KLHL29: variants seen among roughly 807,000 people sequenced by gnomAD.
The protein encoded by KLHL29 is kelch-like protein 29.
Under a neutral mutation model 80.4 loss-of-function variants are expected in KLHL29, and 21 were observed. That is an observed-to-expected ratio of 0.26 (90% CI 0.19 to 0.38). The LOEUF (loss-of-function observed/expected upper bound fraction) is 0.38, where lower values mean the gene tolerates loss of function less well. Among genes scored for constraint, KLHL29 ranks in the 10% least tolerant of loss-of-function variants. The pLI is 1.00. For synonymous variants in KLHL29, 511 were observed against 526.8 expected (o/e 0.97, Z 0.41); for missense variants, 867 against 1,223.9 (o/e 0.71, Z 4.35).
intron 1 of KLHL29, among the ~76,000 whole-genome samples, chr2:23,436,792 C>T (rs1262567957): frequency 6.6e-6 from 1 of 152,202 alleles, no homozygotes; most frequent in African/African-American, 2.4e-5. Context: ...CTTGCTAGGT[C>T]AACGTTTTCA....
At chr2:23,511,594 G>A (rs1383097293) in intron 2 of KLHL29, among the ~76,000 whole-genome samples, 1 of 152,190 alleles carries the variant, frequency 6.6e-6, no homozygotes, top group Non-Finnish European at 1.5e-5. Context: ...ATGAGGATCT[G>A]GATAAAAACT....
intron 1 of KLHL29, among the ~76,000 whole-genome samples, chr2:23,406,103 C>A (rs1361398752): frequency 6.6e-6 from 1 of 152,040 alleles, no homozygotes; most frequent in African/African-American, 2.4e-5. Flanking sequence ...CCAAGGCAGG[C>A]GGATCATTTG....
At chr2:23,594,861 G>A (rs1179718388) in intron 3 of KLHL29, among the ~76,000 whole-genome samples, 1 of 152,092 alleles carries the variant, frequency 6.6e-6, no homozygotes, top group Non-Finnish European at 1.5e-5. Context: ...TTTGCTTAAG[G>A]TCAGGACATT....
At chr2:23,436,870 C>G (rs1409711607) in intron 1 of KLHL29, among the ~76,000 whole-genome samples, 1 of 152,190 alleles carries the variant, frequency 6.6e-6, no homozygotes, top group African/African-American at 2.4e-5. Context: ...GAAGCTGCGT[C>G]TGTTTATTCC....
intron 6 of KLHL29, among the ~76,000 whole-genome samples, chr2:23,688,111 T>G (rs1251414376): frequency 6.6e-6 from 1 of 152,092 alleles, no homozygotes; most frequent in East Asian, 1.9e-4. Flanking sequence ...GGAAGCCAGA[T>G]AACGAGACTC....
intron 2 of KLHL29, among the ~76,000 whole-genome samples, chr2:23,487,353 G>A (rs10169305): frequency 0.12 from 18,743 of 152,156 alleles, 1,292 homozygotes; most frequent in East Asian, 0.26. Context: ...AGGAGGGGAC[G>A]TCTTCTGCAC....
intron 11 of KLHL29, chr2:23,697,893 C>CATT (rs753921689): frequency 3.3e-5 from 5 of 152,238 alleles, no homozygotes; most frequent in Non-Finnish European, 7.3e-5. Flanking sequence ...TAAACAAACA[C>CATT]ATGAAAAATG....
At chr2:23,477,376 C>T (rs905650081) in intron 2 of KLHL29, among the ~76,000 whole-genome samples, 2 of 152,254 alleles carry the variant, frequency 1.3e-5, no homozygotes, top group Admixed American at 6.5e-5. Flanking sequence ...CCTGCCAGAA[C>T]CCTTGCACAG....
intron 3 of KLHL29, among the ~76,000 whole-genome samples, chr2:23,582,545 T>C (rs1668013003): frequency 6.6e-6 from 1 of 152,162 alleles, no homozygotes; most frequent in African/African-American, 2.4e-5. Context: ...GTCCTGCCCC[T>C]CCAGGAACTT....
intron 2 of KLHL29, among the ~76,000 whole-genome samples, chr2:23,546,935 G>T (rs1404173842): frequency 2.0e-5 from 3 of 152,328 alleles, no homozygotes; most frequent in South Asian, 2.1e-4. Context: ...GTCCAGAGTG[G>T]ACACTGCACA....
intron 2 of KLHL29, among the ~76,000 whole-genome samples, chr2:23,513,914 G>T (rs1398201616): frequency 1.3e-5 from 2 of 152,156 alleles, no homozygotes; most frequent in African/African-American, 2.4e-5. Context: ...TGCTGCACTT[G>T]AGCAATTTCA....
intron 2 of KLHL29, among the ~76,000 whole-genome samples, chr2:23,500,173 CCT>C: frequency 6.6e-6 from 1 of 152,242 alleles, no homozygotes; most frequent in Non-Finnish European, 1.5e-5. Context: ...TCAGACAGTG[CCT>C]TAGCAAGGAA....
At chr2:23,533,947 T>C (rs1666582451) in intron 2 of KLHL29, among the ~76,000 whole-genome samples, 1 of 152,038 alleles carries the variant, frequency 6.6e-6, no homozygotes, top group Admixed American at 6.6e-5. Flanking sequence ...TTTTTTTTTT[T>C]TAAAGAAACG....
At chr2:23,445,509 A>G (rs12621098) in intron 1 of KLHL29, among the ~76,000 whole-genome samples, 45,025 of 152,104 alleles carry the variant, frequency 0.3, 6,835 homozygotes, top group South Asian at 0.4. Flanking sequence ...GGATTCAGCA[A>G]ATTCTCTGTC....
chr2:23,557,219 C>T (rs1667320330), intron 2 of KLHL29, among the ~76,000 whole-genome samples: 1 of 152,224 alleles, frequency 6.6e-6, no homozygotes, highest in African/African-American at 2.4e-5. Context: ...CCGCTCTGGG[C>T]ACACATGTAT....
chr2:23,544,811 C>T (rs1666940441), intron 2 of KLHL29, among the ~76,000 whole-genome samples: 2 of 152,020 alleles, frequency 1.3e-5, no homozygotes, highest in Admixed American at 6.5e-5. Context: ...GTGATGGAGC[C>T]GCTGCAAGGA....
chr2:23,606,581 C>A (rs1433804857), intron 3 of KLHL29, among the ~76,000 whole-genome samples: 3 of 152,214 alleles, frequency 2.0e-5, no homozygotes, highest in Non-Finnish European at 4.4e-5. Flanking sequence ...GTCTTATAAA[C>A]GCAATTAGCA....
At chr2:23,420,298 T>A (rs1053584070) in intron 1 of KLHL29, among the ~76,000 whole-genome samples, 1 of 152,214 alleles carries the variant, frequency 6.6e-6, no homozygotes, top group Non-Finnish European at 1.5e-5. Context: ...CCTTCCTTGC[T>A]GCGTCCACAC....
rs1672846509 is a variant in KLHL29 at position 23,708,275 on chromosome 2, CA to C, written c.*1615del. On this transcript the variant is annotated 3_prime_UTR_variant, in exon 14 of 14. Coordinates refer to ENST00000486442, the MANE Select transcript of KLHL29 (RefSeq NM_052920.2). Reference sequence around the variant, plus strand: ...TTATTATTTTAAAAAGTAATAAGCACAAAACTACATACATTGTATGTCATTT... The same window carrying C: ...TTATTATTTTAAAAAGTAATAAGCACAAACTACATACATTGTATGTCATTT... 6.6e-6 allele frequency: 1 copy of C among 152,144 alleles called. No homozygotes were observed. Among genetic ancestry groups the C allele is most frequent in the African/African-American group, 2.4e-5 (1 of 41,420 alleles). The allele number at this position is 152,144 out of a possible 1,614,324, so 9.4% of individuals were successfully genotyped here.
Sources: gnomAD v4.1 joint callset for allele counts (sites outside exome capture counted in the v4.1 genomes callset) on GRCh38, gnomAD v4.1.1 for gene constraint, MANE v1.5 for transcripts, NCBI Gene and HGNC (gene_info 2026-07-23, HGNC 2026-07-21) for gene names.